The following ZDHHC2 variants were observed in gnomAD, a reference collection of about 807,000 sequenced individuals.
ZDHHC2 encodes the protein palmitoyltransferase ZDHHC2.
ZDHHC2 carries 51 observed loss-of-function variants against 55.6 expected under a neutral mutation model. The observed-to-expected ratio is 0.92, with a 90% CI of 0.73 to 1.16. The LOEUF is 1.16. ZDHHC2 is among the 50% of genes most tolerant of loss of function. ZDHHC2 has a pLI of 0.00. For missense variants in ZDHHC2, 491 were observed against 442.4 expected (o/e 1.11, Z -0.99); for synonymous variants, 199 against 152.9 (o/e 1.30, Z -2.22).
chr8:17,201,241 G>A (rs1283137605), intron 6 of ZDHHC2, among the ~76,000 whole-genome samples: 1 of 151,984 alleles, frequency 6.6e-6, no homozygotes, highest in Non-Finnish European at 1.5e-5. Flanking sequence ...ATGTATGTGT[G>A]CATAGCCTAT....
chr8:17,208,532 G>C, intron 8 of ZDHHC2, among the ~76,000 whole-genome samples: 1 of 152,020 alleles, frequency 6.6e-6, no homozygotes, highest in East Asian at 1.9e-4. Flanking sequence ...AAGGATAGGA[G>C]TTTGGGAATG....
At chr8:17,172,232 A>G (rs939196270) in intron 1 of ZDHHC2, among the ~76,000 whole-genome samples, 3 of 152,224 alleles carry the variant, frequency 2.0e-5, no homozygotes, top group African/African-American at 7.2e-5. Context: ...ACCAAAGTAT[A>G]AAAGAAAATC....
intron 1 of ZDHHC2, among the ~76,000 whole-genome samples, chr8:17,173,691 AAG>A (rs1491193847): frequency 6.6e-6 from 1 of 150,884 alleles, no homozygotes; most frequent in Admixed American, 6.6e-5. Context: ...TAAAAAAAAA[AAG>A]AAAGAAAGAA....
At chr8:17,175,614 C>T (rs1485172688) in intron 1 of ZDHHC2, among the ~76,000 whole-genome samples, 1 of 152,146 alleles carries the variant, frequency 6.6e-6, no homozygotes, top group African/African-American at 2.4e-5. Flanking sequence ...ATTCTAGGTG[C>T]TTTTACCTTC....
intron 1 of ZDHHC2, among the ~76,000 whole-genome samples, chr8:17,177,052 A>T (rs902546360): frequency 2.0e-5 from 3 of 152,198 alleles, no homozygotes; most frequent in Non-Finnish European, 2.9e-5. Flanking sequence ...TGAACCAGAG[A>T]TTTTTGGAAA....
intron 1 of ZDHHC2, among the ~76,000 whole-genome samples, chr8:17,158,453 C>T (rs1804174563): frequency 6.6e-6 from 1 of 152,202 alleles, no homozygotes; most frequent in African/African-American, 2.4e-5. Flanking sequence ...TACAGTGTCT[C>T]CTGTCCATTA....
At chr8:17,163,639 C>T (rs781507960) in intron 1 of ZDHHC2, among the ~76,000 whole-genome samples, 4 of 152,160 alleles carry the variant, frequency 2.6e-5, no homozygotes, top group Non-Finnish European at 5.9e-5. Context: ...TATCACCCAG[C>T]CTTCTCTTCT....
chr8:17,184,839 A>C, intron 2 of ZDHHC2, 24 bp downstream of exon 2: 1 of 1,523,728 alleles, frequency 6.6e-7, no homozygotes, highest in East Asian at 2.5e-5. Context: ...TATTAATGTT[A>C]TAGATTTTTT....
intron 6 of ZDHHC2, among the ~76,000 whole-genome samples, chr8:17,199,652 C>CCT (rs1806631158): frequency 2.8e-5 from 1 of 35,644 alleles, no homozygotes; most frequent in African/African-American, 4.6e-5. Context: ...TCCTCCTCCT[C>CCT]CCTCCTCCCT....
Position 17,198,385 on chromosome 8 carries a change from A to G in ZDHHC2, c.448A>G (p.Ile150Val). 1 of 1,602,420 alleles carries G rather than the reference A, an allele frequency of 6.2e-7. No individual in the cohort carries two copies. Among genetic ancestry groups the G allele is most frequent in the Non-Finnish European group, 8.5e-7 (1 of 1,174,742 alleles). ...CHHCSVCDKC[I>V]LKMDHHCPWV... ...GTGTTCTGCTTTGTTTTTTAGATGT[A>G]TTTTGAAGATGGATCATCATTGTCC... Residue 150 changes from isoleucine (I) to valine (V), a missense_variant, in exon 6 of 13, where the codon ATT becomes GTT. By Grantham distance (29) the Ile-to-Val change is conservative (BLOSUM62 3). Transcript: ENST00000262096.
At chr8:17,198,477 T>TA in intron 6 of ZDHHC2, 64 bp downstream of exon 6, 1 of 1,461,148 alleles carries the variant, frequency 6.8e-7, no homozygotes, top group Non-Finnish European at 9.3e-7. Context: ...TTAAATCACT[T>TA]ATCCATGTAA....
At chr8:17,199,546 T>TCTTCGTCTTCTTCGTCTTCTGTCTTC (rs1806566009) in intron 6 of ZDHHC2, among the ~76,000 whole-genome samples, 1 of 40,664 alleles carries the variant, frequency 2.5e-5, no homozygotes, top group African/African-American at 7.3e-5. Context: ...CTTCGTCTTC[T>TCTTCGTCTTCTTCGTCTTCTGTCTTC]GTCTTCGTCT....
At chr8:17,172,960 A>G (rs1172508766) in intron 1 of ZDHHC2, among the ~76,000 whole-genome samples, 2 of 152,138 alleles carry the variant, frequency 1.3e-5, no homozygotes, top group East Asian at 1.9e-4. Context: ...AAATATTTGA[A>G]TTTTTTGTAT....
At chr8:17,168,652 C>G (rs1280170922) in intron 1 of ZDHHC2, among the ~76,000 whole-genome samples, 1 of 152,162 alleles carries the variant, frequency 6.6e-6, no homozygotes, top group Non-Finnish European at 1.5e-5. Flanking sequence ...AACCCTCATT[C>G]TTCCCTCCCC....
chr8:17,217,317 C>T, intron 12 of ZDHHC2, 71 bp downstream of exon 12: 1 of 1,109,882 alleles, frequency 9.0e-7, no homozygotes, highest in Non-Finnish European at 1.3e-6. Flanking sequence ...AAATAGTTTC[C>T]ATAAACATTT....
chr8:17,211,854 G>GT (rs1807399146), intron 10 of ZDHHC2, among the ~76,000 whole-genome samples: 1 of 151,890 alleles, frequency 6.6e-6, no homozygotes, highest in Admixed American at 6.6e-5. Flanking sequence ...AATGTTTATG[G>GT]TTTTTCATAT....
chr8:17,158,372 C>G (rs932884049), intron 1 of ZDHHC2, among the ~76,000 whole-genome samples: 1 of 152,094 alleles, frequency 6.6e-6, no homozygotes, highest in African/African-American at 2.4e-5. Flanking sequence ...AAGGGACATC[C>G]TAGAAGGCCT....
intron 6 of ZDHHC2, among the ~76,000 whole-genome samples, chr8:17,200,046 T>C (rs1390283955): frequency 6.6e-6 from 1 of 151,762 alleles, no homozygotes; most frequent in Admixed American, 6.6e-5. Flanking sequence ...CGAGCCACCA[T>C]GCCTGGCCAA....
chr8:17,184,883 T>C, intron 2 of ZDHHC2, 68 bp downstream of exon 2: 1 of 1,362,394 alleles, frequency 7.3e-7, no homozygotes, highest in Admixed American at 2.4e-5. Context: ...TTCACTTAGA[T>C]TTGGTTGGGA....
Sources: gnomAD v4.1 joint callset for allele counts (sites outside exome capture counted in the v4.1 genomes callset) on GRCh38, gnomAD v4.1.1 for gene constraint, MANE v1.5 for transcripts, NCBI Gene and HGNC (gene_info 2026-07-23, HGNC 2026-07-21) for gene names.